CDH4: variants seen among roughly 807,000 people sequenced by gnomAD.
CDH4 encodes the protein cadherin-4.
In CDH4, 33 loss-of-function variants were observed where a neutral mutation model predicts 86.0. The ratio of observed to expected loss-of-function variants is 0.38; its 90% CI spans 0.29 to 0.51. The LOEUF (loss-of-function observed/expected upper bound fraction) is 0.51. Among genes scored for constraint, CDH4 ranks in the 20% least tolerant of loss-of-function variants. The pLI is 0.86. For synonymous variants in CDH4, 555 were observed against 549.4 expected, an observed-to-expected ratio of 1.01 and a Z score of -0.14; for missense variants, 1,114 against 1,307.4, an observed-to-expected ratio of 0.85 and a Z score of 2.28.
chr20:61,904,836 A>C (rs905799555), intron 8 of CDH4, among the ~76,000 whole-genome samples: 2 of 152,238 alleles, frequency 1.3e-5, no homozygotes, highest in Admixed American at 1.3e-4. Flanking sequence ...CTTGCTGGAC[A>C]TTGTGTGGAT....
chr20:61,889,444 C>CATGG (rs147429200), intron 7 of CDH4, among the ~76,000 whole-genome samples: 2 of 145,266 alleles, frequency 1.4e-5, no homozygotes, highest in East Asian at 2.1e-4. Context: ...ATGGATGATG[C>CATGG]ATGGATGGAT....
At chr20:61,499,127 CTCCTG>C (rs2085682511) in intron 2 of CDH4, among the ~76,000 whole-genome samples, 1 of 152,242 alleles carries the variant, frequency 6.6e-6, no homozygotes, top group Admixed American at 6.5e-5. Context: ...ACCCAGGTCC[CTCCTG>C]AGCCTCCCTG....
At chr20:61,602,203 G>A (rs779173893) in intron 2 of CDH4, among the ~76,000 whole-genome samples, 1 of 152,192 alleles carries the variant, frequency 6.6e-6, no homozygotes, top group Admixed American at 6.5e-5. Context: ...AGGGGATGCT[G>A]CCAGCACCCT....
At position 61,474,469 on chromosome 20, in the gene CDH4, C is replaced by T. The variant is rs887171310; in HGVS notation, c.169+219532C>T. On this transcript the variant is annotated intron_variant, in intron 2 of 15. Transcript: ENST00000614565. ...GGATTACAGTCACGAGCCACTGCAC[C>T]GGCCAGAATAGTACATTATTATTGC... Among the ~76,000 whole-genome samples, 8 of 151,866 alleles carry T rather than the reference C, an allele frequency of 5.3e-5. No individual in the cohort carries two copies. The South Asian group carries it at 8.3e-4, about 16-fold the overall frequency.
At chr20:61,499,900 G>T (rs1450192939) in intron 2 of CDH4, among the ~76,000 whole-genome samples, 1 of 152,206 alleles carries the variant, frequency 6.6e-6, no homozygotes, top group Non-Finnish European at 1.5e-5. Context: ...CATCGATTCT[G>T]TCTGTGGCAG....
At chr20:61,435,247 T>G (rs2085274208) in intron 2 of CDH4, among the ~76,000 whole-genome samples, 1 of 152,206 alleles carries the variant, frequency 6.6e-6, no homozygotes, top group African/African-American at 2.4e-5. Context: ...CTCAGGAGTT[T>G]GCATGCCATT....
intron 2 of CDH4, among the ~76,000 whole-genome samples, chr20:61,657,703 C>T (rs1029885175): frequency 1.3e-5 from 2 of 152,116 alleles, no homozygotes; most frequent in African/African-American, 2.4e-5. Flanking sequence ...GAAGGGACGT[C>T]GATCAAAATG....
At chr20:61,906,351 C>G (rs367849838) in intron 8 of CDH4, among the ~76,000 whole-genome samples, 3 of 152,230 alleles carry the variant, frequency 2.0e-5, no homozygotes, top group Non-Finnish European at 4.4e-5. Context: ...AAACAGGCCT[C>G]GGGCCAACAC....
chr20:61,805,628 A>G (rs984375239), intron 4 of CDH4, among the ~76,000 whole-genome samples: 10 of 152,232 alleles, frequency 6.6e-5, no homozygotes, highest in African/African-American at 2.2e-4. Flanking sequence ...CCTGGGGAGC[A>G]TTCGACTGCC....
At chr20:61,459,230 G>A (rs981572624) in intron 2 of CDH4, among the ~76,000 whole-genome samples, 3 of 152,070 alleles carry the variant, frequency 2.0e-5, no homozygotes, top group Admixed American at 6.5e-5. Flanking sequence ...TGGGAGTATC[G>A]CTTTATCCCA....
chr20:61,393,586 C>A lies in CDH4; in HGVS notation c.169+138649C>A, dbSNP rs1327296139. ...CATTCGCCACAGCCACTTGGCTGAA[C>A]CCTATTCTAGGTGTTGGCAAGGTAG... On this transcript the variant is annotated intron_variant, in intron 2 of 15. Coordinates refer to ENST00000614565, the MANE Select transcript of CDH4 (RefSeq NM_001794.5). The surrounding 1 kb of genome is among the most constrained non-coding windows in gnomAD (Gnocchi z 4.3). 2.6e-5 allele frequency among the ~76,000 whole-genome samples: 4 copies of A among 152,150 alleles called. No homozygotes were observed. Among genetic ancestry groups the A allele is most frequent in the Non-Finnish European group, 5.9e-5 (4 of 68,024 alleles).
At chr20:61,254,576 C>T (rs901207692) in intron 1 of CDH4, among the ~76,000 whole-genome samples, 7 of 152,298 alleles carry the variant, frequency 4.6e-5, no homozygotes, top group Admixed American at 3.9e-4. Flanking sequence ...CCCAACAGTC[C>T]GTCCTTCACT....
At chr20:61,519,047 G>T (rs1280281891) in intron 2 of CDH4, among the ~76,000 whole-genome samples, 2 of 152,132 alleles carry the variant, frequency 1.3e-5, no homozygotes, top group Non-Finnish European at 2.9e-5. Context: ...CACCACCCCA[G>T]ATGGGCTTTC....
At chr20:61,447,489 C>T (rs949787392) in intron 2 of CDH4, among the ~76,000 whole-genome samples, 23 of 151,988 alleles carry the variant, frequency 1.5e-4, no homozygotes, top group Non-Finnish European at 2.8e-4. Context: ...ATGGTGTTTT[C>T]GATATAAAGG....
rs2084992018 is a variant in CDH4, at chr20:61,392,459, AC to A, written c.169+137524del. Reference sequence around the variant, plus strand: ...CTGAGTTCCTTGAATATTAAAATTAACCTTTTTTAATAACAGAAATGATATA... The same window carrying A: ...CTGAGTTCCTTGAATATTAAAATTAACTTTTTTAATAACAGAAATGATATA... On this transcript the variant is annotated intron_variant, in intron 2 of 15. Transcript: ENST00000614565. The surrounding 1 kb of genome is among the most constrained non-coding windows in gnomAD (Gnocchi z 5.7). Among the ~76,000 whole-genome samples, 7 of 152,182 alleles carry A rather than the reference AC, an allele frequency of 4.6e-5. No individual in the cohort carries two copies. The highest frequency in any genetic ancestry group is 3.9e-4 in the Admixed American group (6 of 15,288).
chr20:61,753,097 G>A (rs192987557), intron 3 of CDH4, among the ~76,000 whole-genome samples: 15 of 152,308 alleles, frequency 9.8e-5, no homozygotes, highest in African/African-American at 2.9e-4. Flanking sequence ...TGGTAAGCAA[G>A]AGTTCTGCTG....
At chr20:61,936,391 C>T (rs1405847267) in intron 15 of CDH4, among the ~76,000 whole-genome samples, 2 of 11,702 alleles carry the variant, frequency 1.7e-4, no homozygotes, top group Admixed American at 6.3e-4. Flanking sequence ...ACACCCCCTC[C>T]CCCACACCCC....
In CDH4 at chr20:61,873,721, G is replaced by A. The variant is rs372234251; in HGVS notation, c.878-7G>A. The A allele has an allele frequency of 5.6e-5, 91 of 1,611,508 alleles. No homozygotes were observed. In the African/African-American group the frequency reaches 8.5e-4, roughly 15 times the overall value. On this transcript the variant is annotated splice_region_variant and splice_polypyrimidine_tract_variant and intron_variant, in intron 6 of 15. Coordinates refer to ENST00000614565, the MANE Select transcript of CDH4 (RefSeq NM_001794.5). Reference sequence around the variant, plus strand: ...CATCCCCATCTGAGCTGCTGTCTCCGTTCCAGGCACCTACGTGATGACCGT... The same window carrying A: ...CATCCCCATCTGAGCTGCTGTCTCCATTCCAGGCACCTACGTGATGACCGT...
chr20:61,516,541 C>T lies in CDH4; in HGVS notation c.170-227022C>T, dbSNP rs1362146104. Among the ~76,000 whole-genome samples the T allele has an allele frequency of 6.6e-6, 1 of 152,184 alleles. No individual in the cohort carries two copies. Among genetic ancestry groups the T allele is most frequent in the Non-Finnish European group, 1.5e-5 (1 of 68,034 alleles). On this transcript the variant is annotated intron_variant, in intron 2 of 15. Transcript: ENST00000614565. This position sits in a 1 kb window ranked among gnomAD's most constrained non-coding sequence, Gnocchi z 4.0. ...CAGGTTCTCACCGCCCTGGAAACTACATCTGCCTCAGACCTGCCCCCCTGA... is the reference window on the plus strand; with the variant it reads ...CAGGTTCTCACCGCCCTGGAAACTATATCTGCCTCAGACCTGCCCCCCTGA...
Sources: gnomAD v4.1 joint callset for allele counts (sites outside exome capture counted in the v4.1 genomes callset) on GRCh38, gnomAD v4.1.1 for gene constraint, Gnocchi (gnomAD v3.1) non-coding constraint, MANE v1.5 for transcripts, NCBI Gene and HGNC (gene_info 2026-07-23, HGNC 2026-07-21) for gene names.